SYT16: variants seen among roughly 807,000 people sequenced by gnomAD.
SYT16 encodes synaptotagmin-16.
Under a neutral mutation model 61.4 loss-of-function variants are expected in SYT16, and 42 were observed. The ratio of observed to expected loss-of-function variants is 0.68; its 90% CI spans 0.53 to 0.89. SYT16 has a LOEUF of 0.89. SYT16 is among the 40% of genes least tolerant of loss of function. SYT16 has a pLI of 0.00. For synonymous variants in SYT16, 314 were observed against 302.3 expected, an observed-to-expected ratio of 1.04 and a Z score of -0.40; for missense variants, 804 against 807.3, an observed-to-expected ratio of 1.00 and a Z score of 0.05.
At chr14:61,869,321 G>A (rs190527810) in intron 1 of SYT16, among the ~76,000 whole-genome samples, 78 of 151,852 alleles carry the variant, frequency 5.1e-4, no homozygotes, top group Middle Eastern at 3.4e-3. Context: ...TTGTCTTACC[G>A]TCTTTATTCT....
intron 1 of SYT16, among the ~76,000 whole-genome samples, chr14:61,886,015 A>T (rs976151361): frequency 1.4e-5 from 2 of 142,196 alleles, no homozygotes; most frequent in African/African-American, 5.3e-5. Context: ...CCCAGGCTGG[A>T]GTGCAGTGGA....
intron 1 of SYT16, among the ~76,000 whole-genome samples, chr14:61,877,412 A>G (rs148534718): frequency 2.8e-4 from 42 of 152,318 alleles, no homozygotes; most frequent in South Asian, 1.2e-3. Flanking sequence ...AGGGAGGACC[A>G]TGAATTGCAA....
chr14:62,030,758 A>T (rs1453440412), intron 3 of SYT16, among the ~76,000 whole-genome samples: 2 of 152,246 alleles, frequency 1.3e-5, no homozygotes, highest in South Asian at 4.1e-4. Context: ...GAATTCAAGC[A>T]TTGATGAAAC....
intron 3 of SYT16, among the ~76,000 whole-genome samples, chr14:62,063,768 T>C (rs141787830): frequency 4.7e-3 from 720 of 152,338 alleles, no homozygotes; most frequent in Non-Finnish European, 7.4e-3. Context: ...GAACTTGATA[T>C]TGATAGGTCA....
intron 1 of SYT16, among the ~76,000 whole-genome samples, chr14:61,822,258 G>T (rs1275291780): frequency 6.6e-6 from 1 of 152,228 alleles, no homozygotes; most frequent in Non-Finnish European, 1.5e-5. Context: ...GGCAGGAGGA[G>T]AAAGTCCTGC....
At chr14:61,820,771 T>G (rs1159768000) in intron 1 of SYT16, among the ~76,000 whole-genome samples, 1 of 152,174 alleles carries the variant, frequency 6.6e-6, no homozygotes, top group Non-Finnish European at 1.5e-5. Flanking sequence ...CTCTGAAGTT[T>G]TATAAAAGCC....
At position 62,069,717 on chromosome 14, in the gene SYT16, C is replaced by T. The variant is rs1446472516; in HGVS notation, c.638C>T (p.Ser213Phe). Residue 213 changes from serine to phenylalanine, a missense_variant, in exon 4 of 8, where the codon TCT becomes TTT. Physicochemically the swap from Ser to Phe is radical, Grantham distance 155. Coordinates refer to ENST00000683842, the MANE Select transcript of SYT16 (RefSeq NM_001367656.1). Reference protein sequence around the residue: ...SRSQSFRSVTSEKGKQTGLEQ... With the variant: ...SRSQSFRSVTFEKGKQTGLEQ... Reference sequence around the variant, plus strand: ...TCCCAGAGTTTCCGTTCAGTGACATCTGAGAAAGGAAAGCAGACAGGATTG... The same window carrying T: ...TCCCAGAGTTTCCGTTCAGTGACATTTGAGAAAGGAAAGCAGACAGGATTG... 3.7e-6 allele frequency: 6 copies of T among 1,613,966 alleles called. No individual in the cohort carries two copies. The highest frequency in any genetic ancestry group is 1.1e-5 in the South Asian group (1 of 91,080).
chr14:61,829,246 T>C (rs2045863361), intron 1 of SYT16, among the ~76,000 whole-genome samples: 1 of 152,224 alleles, frequency 6.6e-6, no homozygotes, highest in Non-Finnish European at 1.5e-5. Flanking sequence ...TTCTGGCCTC[T>C]ATGATTTTAG....
At chr14:62,096,495 A>G (rs2141013731) in intron 7 of SYT16, among the ~76,000 whole-genome samples, 1 of 152,244 alleles carries the variant, frequency 6.6e-6, no homozygotes, top group South Asian at 2.1e-4. Context: ...TTATTAATAC[A>G]TTGGAACATT....
At chr14:61,870,831 T>G (rs2047309423) in intron 1 of SYT16, among the ~76,000 whole-genome samples, 2 of 152,208 alleles carry the variant, frequency 1.3e-5, no homozygotes, top group African/African-American at 4.8e-5. Context: ...TCAATATGCC[T>G]TTGTGGAGTA....
intron 5 of SYT16, among the ~76,000 whole-genome samples, chr14:62,078,177 AC>A (rs2056580148): frequency 6.6e-6 from 1 of 151,166 alleles, no homozygotes; most frequent in Admixed American, 6.6e-5. Context: ...ATATAAACAC[AC>A]ACACACACAC....
At chr14:61,833,424 C>T (rs2046007514) in intron 1 of SYT16, among the ~76,000 whole-genome samples, 1 of 151,852 alleles carries the variant, frequency 6.6e-6, no homozygotes. Context: ...TCCCGAGTAG[C>T]TGGGATTACA....
chr14:62,112,494 A>AT lies in SYT16; in HGVS notation c.*11791dup, dbSNP rs1426664760. ...TTCATGAAAACTGAAAATCATTCCAATTTTGTAAAACTGCTGCTACTGGTT... is the reference window on the plus strand; with the variant it reads ...TTCATGAAAACTGAAAATCATTCCAATTTTTGTAAAACTGCTGCTACTGGTT... On this transcript the variant is annotated 3_prime_UTR_variant, in exon 8 of 8. Transcript: ENST00000683842. The AT allele has an allele frequency of 2.0e-5, 3 of 152,162 alleles. No individual in the cohort carries two copies. Among genetic ancestry groups the AT allele is most frequent in the Non-Finnish European group, 4.4e-5 (3 of 68,008 alleles). 9.4% of individuals were successfully genotyped at this position (152,162 alleles called of 1,614,324 possible).
chr14:62,056,644 G>A (rs1190323163), intron 3 of SYT16, among the ~76,000 whole-genome samples: 1 of 152,180 alleles, frequency 6.6e-6, no homozygotes, highest in Non-Finnish European at 1.5e-5. Flanking sequence ...AGACACATAA[G>A]AAACGGGTTT....
intron 3 of SYT16, among the ~76,000 whole-genome samples, chr14:62,048,985 G>C (rs1445438402): frequency 6.6e-6 from 1 of 152,144 alleles, no homozygotes; most frequent in Non-Finnish European, 1.5e-5. Context: ...GTAGATGTCT[G>C]TTAGGTCTGC....
intron 1 of SYT16, among the ~76,000 whole-genome samples, chr14:61,886,880 C>CTTTTTT (rs371140698): frequency 2.6e-4 from 29 of 110,808 alleles, no homozygotes; most frequent in Admixed American, 3.9e-4. Flanking sequence ...TTTTTTTTGT[C>CTTTTTT]TTTTTTTTTT....
At chr14:61,974,826 C>T (rs1306378168) in intron 2 of SYT16, among the ~76,000 whole-genome samples, 2 of 152,194 alleles carry the variant, frequency 1.3e-5, no homozygotes, top group Non-Finnish European at 2.9e-5. Context: ...AAAGCTAGTG[C>T]TCAGCTGGAG....
At chr14:62,094,330 T>C (rs572196647) in intron 7 of SYT16, among the ~76,000 whole-genome samples, 1 of 152,238 alleles carries the variant, frequency 6.6e-6, no homozygotes, top group South Asian at 2.1e-4. Flanking sequence ...ATTTTCTCTT[T>C]TTTCTTGCAT....
intron 1 of SYT16, chr14:61,865,166 G>A (rs2140295453): frequency 8.2e-7 from 1 of 1,217,732 alleles, no homozygotes; most frequent in Non-Finnish European, 1.2e-6. Flanking sequence ...GCAGTTACTG[G>A]GCCCAGAGGA....
Sources: allele counts gnomAD v4.1 joint callset (sites outside exome capture counted in the v4.1 genomes callset), GRCh38; gene constraint gnomAD v4.1.1; transcripts MANE v1.5; gene names NCBI Gene and HGNC (gene_info 2026-07-23, HGNC 2026-07-21).